PUDP: variants seen among roughly 807,000 people sequenced by gnomAD.
PUDP encodes pseudouridine-5'-phosphatase.
PUDP carries 8 observed loss-of-function variants against 9.4 expected under a neutral mutation model. The ratio of observed to expected loss-of-function variants is 0.85; its 90% confidence interval spans 0.50 to 1.53. The LOEUF (loss-of-function observed/expected upper bound fraction) is 1.53, where lower values mean the gene tolerates loss of function less well. PUDP is among the 40% of genes most tolerant of loss of function. The pLI, the probability that PUDP is intolerant of heterozygous loss-of-function variation, is 0.00. For missense variants in PUDP, 188 were observed against 189.7 expected (o/e 0.99, Z 0.05); for synonymous variants, 99 against 80.7 (o/e 1.23, Z -1.22).
intron 3 of PUDP, among the ~76,000 whole-genome samples, chrX:6,846,437 C>T (rs1474333281): frequency 3.7e-5 from 4 of 107,108 alleles, no homozygotes; most frequent in African/African-American, 1.4e-4. Flanking sequence ...AGAAAAGTGT[C>T]AGTTTTGGAT....
intron 1 of PUDP, among the ~76,000 whole-genome samples, chrX:7,143,711 T>C (rs1335547903): frequency 8.9e-6 from 1 of 112,101 alleles, no homozygotes; most frequent in Non-Finnish European, 1.9e-5. Context: ...CTTCGGACCC[T>C]TAATAGGAAC....
chrX:6,847,950 G>A (rs1361554982), intron 3 of PUDP, among the ~76,000 whole-genome samples: 1 of 111,874 alleles, frequency 8.9e-6, no homozygotes, highest in East Asian at 2.8e-4. Flanking sequence ...ATTGGCCAAA[G>A]CAAGTTACAA....
At chrX:7,047,668 T>C (rs1259966716), downstream of PUDP, among the ~76,000 whole-genome samples, 2 of 112,273 alleles carry the variant, frequency 1.8e-5, no homozygotes, top group African/African-American at 3.2e-5. Context: ...AACACTTCAT[T>C]TTCTCTTTTT....
At chrX:6,870,658 G>A (rs1467922174) in intron 3 of PUDP, among the ~76,000 whole-genome samples, 1 of 112,223 alleles carries the variant, frequency 8.9e-6, no homozygotes, top group African/African-American at 3.2e-5. Flanking sequence ...AAATGGTGAC[G>A]ATGGTAAATT....
At chrX:7,101,909 A>C (rs62588749) in intron 2 of PUDP, among the ~76,000 whole-genome samples, 7,148 of 111,927 alleles carry the variant, frequency 0.064, 235 homozygotes, top group Non-Finnish European at 0.093. Context: ...TGGATAACCT[A>C]AAAGAAATAA....
intron 3 of PUDP, among the ~76,000 whole-genome samples, chrX:6,839,563 G>A (rs1029702534): frequency 2.7e-5 from 3 of 111,482 alleles, no homozygotes; most frequent in East Asian, 2.8e-4. Context: ...CTAAACCAAC[G>A]GGTTTTTCAC....
intron 1 of PUDP, among the ~76,000 whole-genome samples, chrX:7,027,819 C>CTATA (rs200226695): frequency 7.6e-5 from 7 of 92,118 alleles, no homozygotes; most frequent in East Asian, 3.4e-4. Context: ...TATATATAGA[C>CTATA]TATAGAATAT....
At chrX:6,792,845 G>C (rs1157833643) in intron 3 of PUDP, among the ~76,000 whole-genome samples, 7 of 112,478 alleles carry the variant, frequency 6.2e-5, no homozygotes. Flanking sequence ...CCTTGCAATG[G>C]GTGAAAAGTC....
intron 3 of PUDP, among the ~76,000 whole-genome samples, chrX:6,861,538 C>T (rs1602649619): frequency 1.8e-5 from 2 of 111,827 alleles, no homozygotes; most frequent in South Asian, 7.6e-4. Context: ...ATTCAAAGTG[C>T]GCACATAGCA....
chrX:7,095,530 C>T (rs1285841272), intron 2 of PUDP, among the ~76,000 whole-genome samples: 8 of 112,078 alleles, frequency 7.1e-5, no homozygotes, highest in East Asian at 2.8e-4. Context: ...TAATGAGACT[C>T]GAAGCCCCAA....
intron 1 of PUDP, among the ~76,000 whole-genome samples, chrX:7,030,236 A>G (rs775260909): frequency 1.8e-5 from 2 of 111,079 alleles, no homozygotes; most frequent in East Asian, 5.7e-4. Context: ...CCTAGTATTG[A>G]TAACCCATGT....
chrX:7,136,903 T>C (rs1242487884), intron 1 of PUDP, among the ~76,000 whole-genome samples: 2 of 111,766 alleles, frequency 1.8e-5, no homozygotes, highest in African/African-American at 6.5e-5. Context: ...GAAGTAGATT[T>C]ACAAACTGTG....
Position 6,876,128 on chromosome X carries a change from ACTAT to A in PUDP, c.*247+101001_*247+101004del, listed in dbSNP as rs781484532. Among the ~76,000 whole-genome samples the A allele has an allele frequency of 3.9e-4, 44 of 111,816 alleles. 1 individual carries two copies. Among genetic ancestry groups the A allele is most frequent in the Middle Eastern group, 9.4e-3 (2 of 213 alleles). The stretch of plus-strand genomic sequence containing the variant: ...TGAAAGCAATATGCATTCAGTAAAA[ACTAT>A]CTTTTGAGTGCCCATACAACCATTC... On this transcript the variant is annotated intron_variant and NMD_transcript_variant, in intron 3 of 3. Coordinates refer to the PUDP transcript ENST00000655425.
rs113133775 is a variant in PUDP, at chrX:7,077,769, A to G, written c.281-320T>C. Among the ~76,000 whole-genome samples the G allele has an allele frequency of 3.9e-3, 440 of 112,860 alleles. 2 individuals are homozygous for G. Among genetic ancestry groups the G allele is most frequent in the African/African-American group, 0.014 (422 of 31,131 alleles). ...TGAAACGTGGAGAAGGGCAGAGAGC[A>G]GGCCCAGGAGGTGACTGGACCTGGG... is the stretch of plus-strand genomic sequence containing the variant. On this transcript the variant is annotated intron_variant, in intron 2 of 3. Transcript: ENST00000381077.
At chrX:6,937,010 T>C (rs1412704566) in intron 3 of PUDP, among the ~76,000 whole-genome samples, 2 of 103,809 alleles carry the variant, frequency 1.9e-5, no homozygotes, top group African/African-American at 7.0e-5. Context: ...GAACATTCCA[T>C]GCTCATGAGT....
intron 1 of PUDP, among the ~76,000 whole-genome samples, chrX:7,038,084 A>G (rs1417572838): frequency 1.8e-5 from 2 of 111,608 alleles, no homozygotes; most frequent in Admixed American, 1.9e-4. Context: ...GCCACATTCA[A>G]TTCTAAGCTA....
At chrX:7,116,914 A>T in intron 1 of PUDP, 1 of 1,157,158 alleles carries the variant, frequency 8.6e-7, no homozygotes, top group Non-Finnish European at 1.2e-6. Flanking sequence ...CCTCCCCCCA[A>T]CTCTCTCTCT....
chrX:6,985,616 C>T (rs1215560173), intron 1 of PUDP, among the ~76,000 whole-genome samples: 2 of 111,483 alleles, frequency 1.8e-5, no homozygotes, highest in East Asian at 2.8e-4. Context: ...ATGAGGGCAC[C>T]GGCTCTATCA....
intron 3 of PUDP, among the ~76,000 whole-genome samples, chrX:6,731,073 ATT>A (rs1490304258): frequency 9.1e-6 from 1 of 110,198 alleles, no homozygotes; most frequent in Admixed American, 9.6e-5. Flanking sequence ...TTTTTATTTT[ATT>A]TTATTTTTTT....
Sources: allele counts gnomAD v4.1 joint callset (sites outside exome capture counted in the v4.1 genomes callset), GRCh38; gene constraint gnomAD v4.1.1; transcripts MANE v1.5; gene names NCBI Gene and HGNC (gene_info 2026-07-23, HGNC 2026-07-21).